AAGAB: variants seen among roughly 807,000 people sequenced by gnomAD.
AAGAB encodes the protein alpha and gamma adaptin binding protein.
AAGAB carries 38 observed loss-of-function variants against 44.1 expected under a neutral mutation model. The ratio of observed to expected loss-of-function variants is 0.86; its 90% CI spans 0.67 to 1.13. The LOEUF (loss-of-function observed/expected upper bound fraction) is 1.13, where lower values mean the gene tolerates loss of function less well. AAGAB is among the 50% of genes most tolerant of loss of function. AAGAB has a pLI of 0.00. For missense variants in AAGAB, 450 were observed against 373.8 expected, an observed-to-expected ratio of 1.20 and a Z score of -1.68; for synonymous variants, 131 against 131.8, an observed-to-expected ratio of 0.99 and a Z score of 0.04.
At chr15:67,236,367 C>A in intron 3 of AAGAB, 41 bp downstream of exon 3, 1 of 1,555,562 alleles carries the variant, frequency 6.4e-7, no homozygotes. Flanking sequence ...CAAGGAATGG[C>A]AAATGCATGT....
At chr15:67,236,545 G>C in intron 2 of AAGAB, 41 bp from the exon 3 acceptor site, 2 of 1,606,548 alleles carry the variant, frequency 1.2e-6, no homozygotes, top group Non-Finnish European at 1.7e-6. Flanking sequence ...AAACAGAAAA[G>C]AGATAGTCAG....
At chr15:67,235,152 T>C (rs1465855157) in intron 4 of AAGAB, among the ~76,000 whole-genome samples, 4 of 152,198 alleles carry the variant, frequency 2.6e-5, no homozygotes, top group African/African-American at 9.6e-5. Flanking sequence ...GCCCAGGACC[T>C]TTTCTAACTT....
At chr15:67,228,384 C>G (rs1964253659) in intron 5 of AAGAB, among the ~76,000 whole-genome samples, 1 of 152,128 alleles carries the variant, frequency 6.6e-6, no homozygotes, top group African/African-American at 2.4e-5. Context: ...AAGGACCAAG[C>G]CTTAATTTGA....
intron 5 of AAGAB, among the ~76,000 whole-genome samples, chr15:67,219,944 TA>T (rs1351811038): frequency 6.6e-6 from 1 of 152,154 alleles, no homozygotes; most frequent in African/African-American, 2.4e-5. Context: ...TTAAATCTGA[TA>T]TTAAGTAACA....
At chr15:67,229,016 C>A (rs1035542539) in intron 5 of AAGAB, among the ~76,000 whole-genome samples, 4 of 152,166 alleles carry the variant, frequency 2.6e-5, no homozygotes, top group African/African-American at 9.7e-5. Context: ...GGTTGAAAAA[C>A]TACCTATCAG....
At chr15:67,253,630 T>G (rs1376525365) in intron 1 of AAGAB, among the ~76,000 whole-genome samples, 1 of 151,892 alleles carries the variant, frequency 6.6e-6, no homozygotes, top group East Asian at 1.9e-4. Context: ...GGTGTGAGCC[T>G]GCAGTCCCAG....
At chr15:67,235,068 C>A (rs1188879184) in intron 4 of AAGAB, among the ~76,000 whole-genome samples, 2 of 152,102 alleles carry the variant, frequency 1.3e-5, no homozygotes, top group Non-Finnish European at 2.9e-5. Flanking sequence ...ACGTTGGTTG[C>A]CCCTGCCCAG....
intron 5 of AAGAB, among the ~76,000 whole-genome samples, chr15:67,216,715 T>C (rs1339164475): frequency 6.6e-6 from 1 of 151,184 alleles, no homozygotes; most frequent in Non-Finnish European, 1.5e-5. Flanking sequence ...CTAAAAGGAA[T>C]GTTCAGAATC....
intron 5 of AAGAB, among the ~76,000 whole-genome samples, chr15:67,219,886 T>C (rs1324650824): frequency 6.6e-6 from 1 of 152,214 alleles, no homozygotes; most frequent in East Asian, 1.9e-4. Flanking sequence ...TCTAGAATAA[T>C]AATTTGCCTA....
chr15:67,236,322 G>C, intron 3 of AAGAB, 86 bp downstream of exon 3: 1 of 1,274,574 alleles, frequency 7.8e-7, no homozygotes, highest in Non-Finnish European at 1.1e-6. Context: ...TGGGATGTAT[G>C]TCCTAAGTTA....
At chr15:67,239,309 T>A (rs1396175990) in intron 1 of AAGAB, among the ~76,000 whole-genome samples, 1 of 152,260 alleles carries the variant, frequency 6.6e-6, no homozygotes, top group Non-Finnish European at 1.5e-5. Context: ...GATCCATTAA[T>A]GATGGCTAAT....
At chr15:67,224,585 C>CTT (rs892410820) in intron 5 of AAGAB, among the ~76,000 whole-genome samples, 40 of 138,826 alleles carry the variant, frequency 2.9e-4, no homozygotes, top group South Asian at 7.0e-4. Flanking sequence ...TTTTTCTTTT[C>CTT]TTTTTTTTTT....
Position 67,209,236 on chromosome 15 carries a change from G to C in AAGAB, c.618+226C>G, listed in dbSNP as rs144607325. Among the ~76,000 whole-genome samples, 185 of 152,324 alleles carry C rather than the reference G, an allele frequency of 1.2e-3. 4 individuals carry two copies. In the East Asian group the frequency reaches 0.03, roughly 25 times the overall value. ...AAATTAATGCCTCAGGGAAATCCTA[G>C]CATATTTTAGAAAGCACCCTAGTAA... On this transcript the variant is annotated intron_variant, in intron 6 of 9. Coordinates refer to ENST00000261880, the MANE Select transcript of AAGAB (RefSeq NM_024666.5).
At chr15:67,238,610 G>C (rs570099693) in intron 1 of AAGAB, among the ~76,000 whole-genome samples, 41 of 151,410 alleles carry the variant, frequency 2.7e-4, no homozygotes, top group Admixed American at 7.2e-4. Context: ...ACATATAAAA[G>C]AAAGAAACTA....
intron 5 of AAGAB, among the ~76,000 whole-genome samples, chr15:67,219,028 T>C (rs143214000): frequency 2.8e-4 from 42 of 152,316 alleles, no homozygotes; most frequent in African/African-American, 8.7e-4. Context: ...CTTTAATGCA[T>C]AGCGGAAACT....
intron 1 of AAGAB, among the ~76,000 whole-genome samples, chr15:67,254,000 C>T (rs1964985519): frequency 2.0e-5 from 3 of 152,110 alleles, no homozygotes; most frequent in South Asian, 2.1e-4. Flanking sequence ...AAGCACTAGC[C>T]CAATCATACC....
chr15:67,227,842 T>C (rs1372253454), intron 5 of AAGAB, among the ~76,000 whole-genome samples: 1 of 152,196 alleles, frequency 6.6e-6, no homozygotes, highest in Non-Finnish European at 1.5e-5. Flanking sequence ...ATTCATTGTA[T>C]CTTCATACCA....
At chr15:67,255,015 C>G (rs1043195261), upstream of AAGAB, 2 of 1,460,368 alleles carry the variant, frequency 1.4e-6, no homozygotes, top group African/African-American at 1.4e-5. Context: ...GTCCCGCGCG[C>G]CGATTCACCG....
chr15:67,218,392 C>T (rs997360127), intron 5 of AAGAB, among the ~76,000 whole-genome samples: 10 of 152,190 alleles, frequency 6.6e-5, no homozygotes. Flanking sequence ...AACAAGGTCA[C>T]TGTACATAAT....
Sources: gnomAD v4.1 joint callset for allele counts (sites outside exome capture counted in the v4.1 genomes callset) on GRCh38, gnomAD v4.1.1 for gene constraint, MANE v1.5 for transcripts, NCBI Gene and HGNC (gene_info 2026-07-23, HGNC 2026-07-21) for gene names.